The following BCL2L11 variants were observed in gnomAD, a reference collection of about 807,000 sequenced individuals.
BCL2L11 encodes bcl-2-like protein 11.
A neutral mutation model predicts 20.6 loss-of-function variants in BCL2L11; 15 were observed. The ratio of observed to expected loss-of-function variants is 0.73; its 90% CI spans 0.49 to 1.12. The LOEUF (loss-of-function observed/expected upper bound fraction) is 1.12, where lower values mean the gene tolerates loss of function less well. BCL2L11 is among the 50% of genes most tolerant of loss of function. The pLI is 0.00. For missense variants in BCL2L11, 292 were observed against 260.9 expected, an observed-to-expected ratio of 1.12 and a Z score of -0.82; for synonymous variants, 108 against 92.8, an observed-to-expected ratio of 1.16 and a Z score of -0.94.
At chr2:111,163,435 G>A (rs1166803074) in intron 3 of BCL2L11, 1 of 152,286 alleles carries the variant, frequency 6.6e-6, no homozygotes, top group Non-Finnish European at 1.5e-5. Flanking sequence ...CGCTGTGGAA[G>A]ACCTGAGGAC....
intron 1 of BCL2L11, chr2:111,123,197 G>A (rs2071591545): frequency 1.0e-6 from 1 of 985,364 alleles, no homozygotes; most frequent in Admixed American, 6.1e-5. Flanking sequence ...CCGCGCTGGA[G>A]TTACAAACTC....
At chr2:111,156,392 T>A (rs1027663864) in intron 3 of BCL2L11, among the ~76,000 whole-genome samples, 2 of 148,226 alleles carry the variant, frequency 1.3e-5, no homozygotes, top group Non-Finnish European at 3.0e-5. Context: ...TTAGATAAAT[T>A]GGTACCTGCC....
chr2:111,147,086 A>G (rs993462387), intron 2 of BCL2L11, among the ~76,000 whole-genome samples: 1 of 152,156 alleles, frequency 6.6e-6, no homozygotes, highest in Non-Finnish European at 1.5e-5. Flanking sequence ...TAACTTTTTA[A>G]AACTACACCT....
In BCL2L11 at chr2:111,165,784, ATAAC is replaced by A. The variant is rs1262378134; in HGVS notation, c.*1557_*1560del. 6.6e-6 allele frequency: 1 copy of A among 152,230 alleles called. No individual in the cohort carries two copies. Among genetic ancestry groups the A allele is most frequent in the Non-Finnish European group, 1.5e-5 (1 of 68,050 alleles). 9.4% of individuals were successfully genotyped at this position (152,230 alleles called of 1,614,324 possible). A position where few individuals can be genotyped will look rare whatever the true frequency, so the allele number is the denominator to read the frequency against. On this transcript the variant is annotated 3_prime_UTR_variant, in exon 4 of 4. Transcript: ENST00000393256. ...CATCGTTAAACAACTTTTAAAAGAAATAACTAAATTTTCAAATGAGTAAGCAGTG... is the reference window on the plus strand; with the variant it reads ...CATCGTTAAACAACTTTTAAAAGAAATAAATTTTCAAATGAGTAAGCAGTG...
At chr2:111,122,746 C>A (rs553480233) in intron 1 of BCL2L11, 7 of 985,176 alleles carry the variant, frequency 7.1e-6, no homozygotes, top group Non-Finnish European at 8.4e-6. Flanking sequence ...GGCGGGCTGG[C>A]GGGAAGGCGC....
chr2:111,151,702 A>G (rs1050666645), intron 3 of BCL2L11: 7 of 825,392 alleles, frequency 8.5e-6, no homozygotes, highest in Middle Eastern at 4.4e-4. Flanking sequence ...GAAAACACAC[A>G]TCGGATCTTC....
chr2:111,138,398 A>G (rs941923782), intron 2 of BCL2L11, among the ~76,000 whole-genome samples: 5 of 152,204 alleles, frequency 3.3e-5, no homozygotes, highest in Non-Finnish European at 5.9e-5. Context: ...TTAATAGATA[A>G]TACTTACTAA....
At chr2:111,144,777 T>G (rs1170408922) in intron 2 of BCL2L11, among the ~76,000 whole-genome samples, 2 of 152,134 alleles carry the variant, frequency 1.3e-5, no homozygotes, top group Non-Finnish European at 2.9e-5. Context: ...GGTTTCAGAG[T>G]CCACAAAGAA....
chr2:111,133,812 G>A (rs1480028461), intron 2 of BCL2L11, among the ~76,000 whole-genome samples: 1 of 152,176 alleles, frequency 6.6e-6, no homozygotes, highest in Admixed American at 6.5e-5. Context: ...GTCAGTTGCT[G>A]AGAATGTGGT....
chr2:111,159,977 A>T (rs1288963163), intron 3 of BCL2L11, among the ~76,000 whole-genome samples: 1 of 152,280 alleles, frequency 6.6e-6, no homozygotes, highest in Non-Finnish European at 1.5e-5. Flanking sequence ...TTGTAGACAC[A>T]TAATCCTATG....
chr2:111,162,870 C>T (rs2078729648), intron 3 of BCL2L11: 3 of 152,218 alleles, frequency 2.0e-5, no homozygotes, highest in Admixed American at 2.0e-4. Context: ...AAATTATTCT[C>T]ACACAGAGGC....
rs70962921 is a variant in BCL2L11, at chr2:111,147,346, TCACACACACACACACACACA to T, written c.395-2672_395-2653del. 8.0e-5 allele frequency among the ~76,000 whole-genome samples: 11 copies of T among 137,412 alleles called. No homozygotes were observed. The South Asian group carries it at 2.1e-3, about 27-fold the overall frequency. 90.1% of individuals were successfully genotyped at this position (137,412 alleles called of 152,430 possible). The stretch of plus-strand genomic sequence containing the variant: ...TCCTGTATCTCTCTCTCTCTCTCTC[TCACACACACACACACACACA>T]CACACACACACACACACACACACAC... On this transcript the variant is annotated intron_variant, in intron 2 of 3. Coordinates refer to ENST00000393256, the MANE Select transcript of BCL2L11 (RefSeq NM_138621.5).
intron 2 of BCL2L11, chr2:111,131,419 T>G (rs1412828365): frequency 6.6e-6 from 1 of 152,172 alleles, no homozygotes; most frequent in East Asian, 1.9e-4. Context: ...CATTCCAATA[T>G]TTTTAATGGA....
At chr2:111,153,690 T>C in intron 3 of BCL2L11, 2 of 1,464,630 alleles carry the variant, frequency 1.4e-6, no homozygotes, top group Admixed American at 3.9e-5. Flanking sequence ...TTTATTTGCT[T>C]AATGCTATTA....
intron 2 of BCL2L11, among the ~76,000 whole-genome samples, chr2:111,149,192 A>G (rs1052542425): frequency 1.3e-5 from 2 of 152,356 alleles, no homozygotes; most frequent in South Asian, 2.1e-4. Context: ...TTCCTAATGC[A>G]TAATGGGATC....
At chr2:111,142,932 A>G (rs1290425022) in intron 2 of BCL2L11, among the ~76,000 whole-genome samples, 1 of 152,222 alleles carries the variant, frequency 6.6e-6, no homozygotes, top group Non-Finnish European at 1.5e-5. Context: ...ACCAATGTAT[A>G]TAGAGTTTTA....
At chr2:111,147,346 T>TCTCTCACACACACACACACA (rs760779894) in intron 2 of BCL2L11, among the ~76,000 whole-genome samples, 2 of 137,332 alleles carry the variant, frequency 1.5e-5, no homozygotes, top group African/African-American at 5.7e-5. Flanking sequence ...TCTCTCTCTC[T>TCTCTCACACACACACACACA]CACACACACA....
chr2:111,147,475 T>C (rs971924629), intron 2 of BCL2L11, among the ~76,000 whole-genome samples: 1 of 152,220 alleles, frequency 6.6e-6, no homozygotes, highest in Non-Finnish European at 1.5e-5. Context: ...TACTGAACTT[T>C]TCTTTTTGTA....
At chr2:111,121,922 T>C (rs1302472781) in intron 1 of BCL2L11, among the ~76,000 whole-genome samples, 2 of 152,148 alleles carry the variant, frequency 1.3e-5, no homozygotes, top group African/African-American at 2.4e-5. Context: ...GGCCGGGCTA[T>C]CTTAGCGGCT....
Sources: allele counts gnomAD v4.1 joint callset (sites outside exome capture counted in the v4.1 genomes callset), GRCh38; gene constraint gnomAD v4.1.1; transcripts MANE v1.5; gene names NCBI Gene and HGNC (gene_info 2026-07-23, HGNC 2026-07-21).